SLC16A2: variants seen among roughly 807,000 people sequenced by gnomAD.
The protein encoded by SLC16A2 is solute carrier family 16 member 2, also known as monocarboxylate transporter 8.
A neutral mutation model predicts 27.2 loss-of-function variants in SLC16A2; 3 were observed. That is an observed-to-expected ratio of 0.11 (90% CI 0.05 to 0.28). SLC16A2 has a LOEUF of 0.28. Among genes scored for constraint, SLC16A2 ranks in the 10% least tolerant of loss-of-function variants. The pLI is 1.00. For synonymous variants in SLC16A2, 202 were observed against 187.8 expected, an observed-to-expected ratio of 1.08 and a Z score of -0.62; for missense variants, 295 against 458.5, an observed-to-expected ratio of 0.64 and a Z score of 3.26.
intron 1 of SLC16A2, among the ~76,000 whole-genome samples, chrX:74,492,739 C>G (rs1404034186): frequency 9.0e-6 from 1 of 111,501 alleles, no homozygotes; most frequent in Non-Finnish European, 1.9e-5. Context: ...TGTTCACTCT[C>G]CACCCCCAAC....
intron 1 of SLC16A2, among the ~76,000 whole-genome samples, chrX:74,453,569 T>G (rs778793091): frequency 2.4e-3 from 270 of 111,570 alleles, no homozygotes; most frequent in Non-Finnish European, 4.1e-3. Context: ...AAAACTGTTA[T>G]TTTTTATTTA....
chrX:74,490,041 T>C (rs1225907488), intron 1 of SLC16A2, among the ~76,000 whole-genome samples: 1 of 101,597 alleles, frequency 9.8e-6, no homozygotes, highest in East Asian at 3.4e-4. Context: ...TTCAGAACTT[T>C]AGCCATGAGA....
At chrX:74,490,919 A>T (rs1929815153) in intron 1 of SLC16A2, among the ~76,000 whole-genome samples, 1 of 111,452 alleles carries the variant, frequency 9.0e-6, no homozygotes, top group African/African-American at 3.3e-5. Flanking sequence ...CTCAGAATAA[A>T]TCAAGGACCA....
intron 1 of SLC16A2, among the ~76,000 whole-genome samples, chrX:74,450,299 A>G (rs1350025981): frequency 8.9e-6 from 1 of 112,226 alleles, no homozygotes; most frequent in Non-Finnish European, 1.9e-5. Context: ...TGAAGACTAA[A>G]CATACCTAAA....
chrX:74,519,741 ACG>A (rs56031744), intron 1 of SLC16A2, among the ~76,000 whole-genome samples: 23,825 of 76,029 alleles, frequency 0.31, 7,388 homozygotes, highest in Non-Finnish European at 0.54. Context: ...CAAAAAAAAA[ACG>A]AAAGAAAGAA....
At chrX:74,522,504 C>G (rs932960931) in intron 2 of SLC16A2, among the ~76,000 whole-genome samples, 3 of 112,041 alleles carry the variant, frequency 2.7e-5, no homozygotes, top group African/African-American at 9.7e-5. Flanking sequence ...TCATTCACCC[C>G]CAGCAAGCTG....
intron 1 of SLC16A2, among the ~76,000 whole-genome samples, chrX:74,492,296 C>A (rs1481486163): frequency 9.0e-6 from 1 of 111,095 alleles, no homozygotes; most frequent in Non-Finnish European, 1.9e-5. Flanking sequence ...GAAGGAGCCT[C>A]AGGGAGGCTG....
chrX:74,483,433 C>T (rs1048930837), intron 1 of SLC16A2, among the ~76,000 whole-genome samples: 1 of 111,869 alleles, frequency 8.9e-6, no homozygotes, highest in Admixed American at 9.5e-5. Context: ...CTCTGTTAAA[C>T]TTCTAGCTGG....
chrX:74,495,941 G>A (rs1929925639), intron 1 of SLC16A2, among the ~76,000 whole-genome samples: 1 of 111,024 alleles, frequency 9.0e-6, no homozygotes, highest in South Asian at 3.9e-4. Context: ...CCCTGCTCCC[G>A]ATCCCCAAGG....
intron 1 of SLC16A2, among the ~76,000 whole-genome samples, chrX:74,485,097 T>C (rs1419833632): frequency 9.2e-6 from 1 of 108,950 alleles, no homozygotes; most frequent in Non-Finnish European, 1.9e-5. Context: ...ATGCCTGTAA[T>C]CCCAGCTACT....
At chrX:74,517,786 T>A (rs1027785548) in intron 1 of SLC16A2, among the ~76,000 whole-genome samples, 1 of 111,915 alleles carries the variant, frequency 8.9e-6, no homozygotes, top group African/African-American at 3.2e-5. Flanking sequence ...TTCATGTCCC[T>A]CTGTAGTCAA....
intron 1 of SLC16A2, among the ~76,000 whole-genome samples, chrX:74,517,984 T>C (rs1301833947): frequency 3.6e-5 from 4 of 112,494 alleles, no homozygotes; most frequent in African/African-American, 1.3e-4. Flanking sequence ...TTGTATTCCA[T>C]TGTATTAATG....
At chrX:74,496,276 G>GCACA (rs58357405) in intron 1 of SLC16A2, among the ~76,000 whole-genome samples, 21 of 37,103 alleles carry the variant, frequency 5.7e-4, no homozygotes, top group African/African-American at 1.0e-3. Context: ...ACACACACAC[G>GCACA]CACACACACA....
intron 1 of SLC16A2, among the ~76,000 whole-genome samples, chrX:74,441,938 G>A (rs1312985047): frequency 9.0e-6 from 1 of 110,862 alleles, no homozygotes; most frequent in Admixed American, 9.6e-5. Context: ...TGTTGAAATG[G>A]GAATTTGCAG....
chrX:74,469,744 C>T (rs1929319190), intron 1 of SLC16A2, among the ~76,000 whole-genome samples: 1 of 110,598 alleles, frequency 9.0e-6, no homozygotes, highest in South Asian at 3.9e-4. Flanking sequence ...ATACCCCCTA[C>T]CCCCCAGCAT....
chrX:74,427,280 A>G (rs905192000), intron 1 of SLC16A2, among the ~76,000 whole-genome samples: 13 of 111,609 alleles, frequency 1.2e-4, no homozygotes, highest in Non-Finnish European at 2.3e-4. Flanking sequence ...GAGGTCTTCA[A>G]ACAGGGCGTT....
intron 1 of SLC16A2, among the ~76,000 whole-genome samples, chrX:74,432,949 C>T (rs1338745047): frequency 4.5e-5 from 5 of 112,214 alleles, no homozygotes; most frequent in African/African-American, 1.6e-4. Flanking sequence ...CTGTTTCCCT[C>T]CCTAAAGGCC....
intron 1 of SLC16A2, among the ~76,000 whole-genome samples, chrX:74,458,189 T>C (rs1182605378): frequency 1.8e-5 from 2 of 111,813 alleles, no homozygotes; most frequent in Non-Finnish European, 3.8e-5. Flanking sequence ...ATCCTAGCTT[T>C]ATTGGAGCAT....
chrX:74,513,311 C>T (rs1191172586), intron 1 of SLC16A2, among the ~76,000 whole-genome samples: 2 of 111,818 alleles, frequency 1.8e-5, no homozygotes, highest in Non-Finnish European at 3.8e-5. Flanking sequence ...AACTCTCCCA[C>T]GAATCTCAGC....
Sources: allele counts gnomAD v4.1 joint callset (sites outside exome capture counted in the v4.1 genomes callset), GRCh38; gene constraint gnomAD v4.1.1; transcripts MANE v1.5; gene names NCBI Gene and HGNC (gene_info 2026-07-23, HGNC 2026-07-21).